The following C5orf24 variants were observed in gnomAD, a reference collection of about 807,000 sequenced individuals.
The protein encoded by C5orf24 is UPF0461 protein C5orf24.
Under a neutral mutation model 9.8 loss-of-function variants are expected in C5orf24, and 4 were observed. The observed-to-expected ratio is 0.41, with a 90% CI of 0.20 to 0.93. The LOEUF is 0.93. C5orf24 is among the 40% of genes least tolerant of loss of function. The pLI is 0.33. For synonymous variants in C5orf24, 73 were observed against 81.3 expected (o/e 0.90, Z 0.55); for missense variants, 170 against 236.9 (o/e 0.72, Z 1.85).
At position 134,855,219 on chromosome 5, in the gene C5orf24, G is replaced by T; in HGVS notation, c.319G>T (p.Gly107Cys). The stretch of plus-strand genomic sequence containing the variant: ...ATCAGCAGGATACCGGACCAGCACA[G>T]GCAGACCCCTGGGAACCACCAAAGC... ...TKSAGYRTST[G>C]RPLGTTKAAG... The change falls in exon 2 of 2, where the codon GGC (glycine) becomes TGC (cysteine). Residue 107 changes from glycine to cysteine, a missense_variant. Physicochemically the swap from Gly to Cys is radical, Grantham distance 159 (BLOSUM62 -3). Around this residue, in one of 3 missense-constraint regions of C5orf24, gnomAD observed 21 missense variants for 72.2 expected, o/e 0.29. Coordinates refer to ENST00000394976, the MANE Select transcript of C5orf24 (RefSeq NM_001135586.1). 1.2e-6 allele frequency: 2 copies of T among 1,614,210 alleles called. No individual in the cohort carries two copies. The highest frequency in any genetic ancestry group is 8.5e-7 in the Non-Finnish European group (1 of 1,180,050).
In C5orf24 at chr5:134,857,292, TGGGC is replaced by T; in HGVS notation, c.*1826_*1829del. ...TTAAAAGAGCACATGTTGTGTTTTT[TGGGC>T]TTGCTATTAATGCAAACTCTGATTG... On this transcript the variant is annotated 3_prime_UTR_variant, in exon 2 of 2. Coordinates refer to ENST00000394976, the MANE Select transcript of C5orf24 (RefSeq NM_001135586.1). 1 of 1,485,376 alleles carries T rather than the reference TGGGC, an allele frequency of 6.7e-7. No individual in the cohort carries two copies. Among genetic ancestry groups the T allele is most frequent in the Non-Finnish European group, 9.0e-7 (1 of 1,107,702 alleles). 92.0% of individuals were successfully genotyped at this position (1,485,376 alleles called of 1,614,324 possible).
At chr5:134,854,818 CTG>C in intron 1 of C5orf24, 78 bp from the exon 2 acceptor site, 1 of 1,474,040 alleles carries the variant, frequency 6.8e-7, no homozygotes, top group Non-Finnish European at 9.2e-7. Flanking sequence ...GGAAGACAGA[CTG>C]TTTTCTCACT....
rs1337262847 is a variant in C5orf24, at chr5:134,857,286, G to GT, written c.*1825dup. ...AAAATTTTAAAAGAGCACATGTTGT[G>GT]TTTTTTGGGCTTGCTATTAATGCAA... On this transcript the variant is annotated 3_prime_UTR_variant, in exon 2 of 2. Coordinates refer to ENST00000394976, the MANE Select transcript of C5orf24 (RefSeq NM_001135586.1). The GT allele has an allele frequency of 4.1e-6, 6 of 1,474,052 alleles. No individual in the cohort carries two copies. The highest frequency in any genetic ancestry group is 5.4e-6 in the Non-Finnish European group (6 of 1,101,108). The allele number at this position is 1,474,052 out of a possible 1,614,324, so 91.3% of individuals were successfully genotyped here.
the C5orf24 span, among the ~76,000 whole-genome samples, chr5:134,834,160 CTCTT>C: frequency 6.6e-6 from 1 of 152,172 alleles, no homozygotes; most frequent in East Asian, 1.9e-4. Flanking sequence ...ATATTAGTCT[CTCTT>C]CACAACTTTG....
chr5:134,848,986 G>C (rs967385058), intron 1 of C5orf24, among the ~76,000 whole-genome samples: 1 of 150,750 alleles, frequency 6.6e-6, no homozygotes, highest in Non-Finnish European at 1.5e-5. Context: ...GGCTGGGCGC[G>C]GTGGCTCACG....
Position 134,856,328 on chromosome 5 carries a change from A to G in C5orf24, c.*861A>G, listed in dbSNP as rs778584589. ...ATAGTCACTATATTTTGCCTTTCAT[A>G]TAGAAAGTTTTAAAGTATTATGTTT... On this transcript the variant is annotated 3_prime_UTR_variant, in exon 2 of 2. Transcript: ENST00000394976. 23 of 995,468 alleles carry G rather than the reference A, an allele frequency of 2.3e-5. No homozygotes were observed. Among genetic ancestry groups the G allele is most frequent in the Middle Eastern group, 5.2e-4 (1 of 1,936 alleles). 61.7% of individuals were successfully genotyped at this position (995,468 alleles called of 1,614,324 possible).
rs765380923 is a variant in C5orf24 at position 134,855,349 on chromosome 5, G to A, written c.449G>A (p.Arg150His). The change falls in exon 2 of 2, where the codon CGT becomes CAT. Residue 150 changes from arginine (R) to histidine (H), a missense_variant. Coordinates refer to ENST00000394976, the MANE Select transcript of C5orf24 (RefSeq NM_001135586.1). ...CCAGGTAGCATTAAAGCTCTATCCC[G>A]TCTTGCCGATCTTGGTTATGGCTGT... ...RPPGSIKALS[R>H]LADLGYGCGT... The A allele has an allele frequency of 1.8e-5, 29 of 1,613,996 alleles. No individual in the cohort carries two copies. Among genetic ancestry groups the A allele is most frequent in the East Asian group, 4.5e-5 (2 of 44,892 alleles).
intron 1 of C5orf24, chr5:134,846,928 T>C (rs974182551): frequency 6.6e-6 from 1 of 152,230 alleles, no homozygotes; most frequent in Non-Finnish European, 1.5e-5. Context: ...GTTAGTCAAA[T>C]GACCTGAAAT....
intron 1 of C5orf24, among the ~76,000 whole-genome samples, chr5:134,849,860 G>C (rs991391674): frequency 6.6e-6 from 1 of 151,834 alleles, no homozygotes; most frequent in African/African-American, 2.4e-5. Flanking sequence ...GTTTCTCCCT[G>C]TTGGCCAGGC....
rs539614865 is a variant in C5orf24 at position 134,859,336 on chromosome 5, A to G, written c.*3869A>G. On this transcript the variant is annotated 3_prime_UTR_variant, in exon 2 of 2. Coordinates refer to ENST00000394976, the MANE Select transcript of C5orf24 (RefSeq NM_001135586.1). ...TATTACAGCTTAACTGTATGCTGTT[A>G]AACTCTAGGATGTATCTGAATCTTT... The G allele has an allele frequency of 6.0e-6, 1 of 167,162 alleles. No homozygotes were observed. The highest frequency in any genetic ancestry group is 2.1e-4 in the South Asian group (1 of 4,828). 10.4% of individuals were successfully genotyped at this position (167,162 alleles called of 1,614,324 possible). A position where few individuals can be genotyped will look rare whatever the true frequency, so the allele number is the denominator to read the frequency against.
the C5orf24 span, among the ~76,000 whole-genome samples, chr5:134,839,876 A>G: frequency 1.3e-4 from 19 of 151,838 alleles, 1 homozygote; most frequent in African/African-American, 4.6e-4. Flanking sequence ...TTGTATTTTT[A>G]GTAGAGACAG....
At position 134,854,984 on chromosome 5, in the gene C5orf24, T is replaced by C. The variant is rs760541667; in HGVS notation, c.84T>C (p.Ala28=). Residue 28 remains alanine, a synonymous_variant, in exon 2 of 2, where the codon GCT becomes GCC. Coordinates refer to ENST00000394976, the MANE Select transcript of C5orf24 (RefSeq NM_001135586.1). ...GCCTCAATGAAGATGCCATGAGAGC[T>C]GCTGATCAGTTTGACATATATTCCT... The part of the protein sequence containing the change: ...PSCLNEDAMR[A]ADQFDIYSSQ... The C allele has an allele frequency of 1.2e-6, 2 of 1,614,188 alleles. No individual in the cohort carries two copies. Among genetic ancestry groups the C allele is most frequent in the South Asian group, 2.2e-5 (2 of 91,088 alleles).
intron 1 of C5orf24, 52 bp from the exon 2 acceptor site, chr5:134,854,846 G>A (rs1182408037): frequency 1.9e-6 from 3 of 1,567,656 alleles, no homozygotes; most frequent in South Asian, 2.3e-5. Flanking sequence ...CTGCATACAG[G>A]TATGTATTTG....
intron 1 of C5orf24, among the ~76,000 whole-genome samples, chr5:134,850,552 A>G (rs1393770763): frequency 2.6e-4 from 39 of 149,938 alleles, no homozygotes. Flanking sequence ...GGCTCATTGC[A>G]ACCTCCACCT....
In C5orf24 at chr5:134,859,566, G is replaced by A. The variant is rs979813399; in HGVS notation, c.*4099G>A. 2.4e-5 allele frequency: 4 copies of A among 166,926 alleles called. No homozygotes were observed. The highest frequency in any genetic ancestry group is 5.9e-5 in the Non-Finnish European group (4 of 68,096). 10.3% of individuals were successfully genotyped at this position (166,926 alleles called of 1,614,324 possible). On this transcript the variant is annotated 3_prime_UTR_variant, in exon 2 of 2. Coordinates refer to ENST00000394976, the MANE Select transcript of C5orf24 (RefSeq NM_001135586.1). Reference sequence around the variant, plus strand: ...TTACCAATTAACTGATAATAAGCACGCTGTCCTCTGCTGTAAAAAGTCTGA... The same window carrying A: ...TTACCAATTAACTGATAATAAGCACACTGTCCTCTGCTGTAAAAAGTCTGA...
At chr5:134,839,091 C>T in the C5orf24 span, among the ~76,000 whole-genome samples, 1 of 151,612 alleles carries the variant, frequency 6.6e-6, no homozygotes, top group Non-Finnish European at 1.5e-5. Flanking sequence ...GTCCCAGATA[C>T]TTGGGAGGCT....
chr5:134,834,068 A>T, the C5orf24 span, among the ~76,000 whole-genome samples: 3 of 152,206 alleles, frequency 2.0e-5, no homozygotes, highest in East Asian at 1.9e-4. Context: ...ACATGTTAGG[A>T]TTACTTTAAA....
At chr5:134,840,465 CTT>C in the C5orf24 span, among the ~76,000 whole-genome samples, 1 of 152,056 alleles carries the variant, frequency 6.6e-6, no homozygotes, top group Non-Finnish European at 1.5e-5. Flanking sequence ...GCCCCAAACT[CTT>C]GGGCTCAAGT....
At chr5:134,835,065 G>A in the C5orf24 span, among the ~76,000 whole-genome samples, 1 of 151,742 alleles carries the variant, frequency 6.6e-6, no homozygotes, top group East Asian at 1.9e-4. Flanking sequence ...AAATTAGCCG[G>A]CGTGGTGGTG....
Sources: gnomAD v4.1 joint callset for allele counts (sites outside exome capture counted in the v4.1 genomes callset) on GRCh38, gnomAD v4.1.1 for gene constraint, gnomAD v4.1.1 regional missense constraint, MANE v1.5 for transcripts, NCBI Gene and HGNC (gene_info 2026-07-23, HGNC 2026-07-21) for gene names.